The following DACH2 variants were observed in gnomAD, a reference collection of about 807,000 sequenced individuals.
DACH2 encodes dachshund homolog 2.
Under a neutral mutation model 35.8 loss-of-function variants are expected in DACH2, and 17 were observed. That is an observed-to-expected ratio of 0.48 (90% CI 0.33 to 0.71). The LOEUF (loss-of-function observed/expected upper bound fraction) is 0.71, where lower values mean the gene tolerates loss of function less well. DACH2 is among the 30% of genes least tolerant of loss of function. The pLI is 0.02. For missense variants in DACH2, 469 were observed against 472.7 expected (o/e 0.99, Z 0.07); for synonymous variants, 195 against 177.3 (o/e 1.10, Z -0.79).
intron 1 of DACH2, among the ~76,000 whole-genome samples, chrX:86,208,952 A>G (rs1364781391): frequency 9.0e-6 from 1 of 111,430 alleles, no homozygotes; most frequent in African/African-American, 3.3e-5. Context: ...GGGCCAAACA[A>G]AGCATTTCAG....
chrX:86,810,808 C>T (rs1602978879), intron 7 of DACH2, among the ~76,000 whole-genome samples: 1 of 110,773 alleles, frequency 9.0e-6, no homozygotes, highest in East Asian at 2.8e-4. Context: ...TGTGCTGATT[C>T]TCTCTGGAAT....
chrX:86,695,310 G>A (rs779608204), intron 5 of DACH2, 131 bp downstream of exon 5: 1 of 506,796 alleles, frequency 2.0e-6, no homozygotes, highest in East Asian at 4.6e-5. Context: ...ATCAGAAGGG[G>A]AGGTAAAGAA....
intron 1 of DACH2, among the ~76,000 whole-genome samples, chrX:86,281,852 C>G (rs2034036081): frequency 9.0e-6 from 1 of 111,658 alleles, no homozygotes; most frequent in Admixed American, 9.5e-5. Context: ...TCCTATACAC[C>G]AATAATAGAG....
intron 3 of DACH2, among the ~76,000 whole-genome samples, chrX:86,549,067 A>T (rs1485022090): frequency 8.1e-5 from 9 of 111,758 alleles, no homozygotes; most frequent in Non-Finnish European, 1.7e-4. Flanking sequence ...ATTTCTGCCT[A>T]TACATATTCA....
At chrX:86,160,919 G>A in intron 1 of DACH2, 1 of 692,103 alleles carries the variant, frequency 1.4e-6, no homozygotes, top group South Asian at 2.2e-5. Flanking sequence ...GCAGGCGCAA[G>A]GGCTTGTCAG....
intron 1 of DACH2, among the ~76,000 whole-genome samples, chrX:86,322,873 T>C (rs2035042031): frequency 8.9e-6 from 1 of 112,183 alleles, no homozygotes; most frequent in Non-Finnish European, 1.9e-5. Context: ...AACATAAGGG[T>C]CAAATGGTGG....
chrX:86,690,943 T>G (rs921113052), intron 4 of DACH2, among the ~76,000 whole-genome samples: 2 of 112,103 alleles, frequency 1.8e-5, no homozygotes, highest in Non-Finnish European at 3.8e-5. Context: ...GTAGTTGATA[T>G]GGAAAAGCTC....
intron 7 of DACH2, among the ~76,000 whole-genome samples, chrX:86,804,008 C>CT (rs761364184): frequency 1.8e-5 from 2 of 111,411 alleles, no homozygotes; most frequent in Non-Finnish European, 3.8e-5. Context: ...TTTTATTTGA[C>CT]TTTTTTTCTT....
At chrX:86,585,270 G>T (rs181505320) in intron 3 of DACH2, among the ~76,000 whole-genome samples, 1 of 110,958 alleles carries the variant, frequency 9.0e-6, no homozygotes, top group African/African-American at 3.3e-5. Flanking sequence ...ACATTCTCAC[G>T]ATCATTGTAA....
chrX:86,471,354 T>C (rs1468303033), intron 2 of DACH2, among the ~76,000 whole-genome samples: 4 of 111,579 alleles, frequency 3.6e-5, no homozygotes, highest in Non-Finnish European at 7.5e-5. Flanking sequence ...TATTGATATA[T>C]AGCTTGTAAA....
intron 3 of DACH2, among the ~76,000 whole-genome samples, chrX:86,587,595 G>A (rs1244937836): frequency 9.0e-6 from 1 of 111,201 alleles, no homozygotes; most frequent in East Asian, 2.8e-4. Context: ...TCAATGCATA[G>A]TTTGTTGAGA....
chrX:86,313,210 T>C (rs191175030), intron 1 of DACH2, among the ~76,000 whole-genome samples: 1 of 111,696 alleles, frequency 9.0e-6, no homozygotes, highest in East Asian at 2.8e-4. Flanking sequence ...AAAAATCTTA[T>C]AGATCTAGTT....
chrX:86,475,375 G>T (rs1012831372), intron 2 of DACH2, among the ~76,000 whole-genome samples: 1 of 111,103 alleles, frequency 9.0e-6, no homozygotes, highest in Non-Finnish European at 1.9e-5. Context: ...TTTCATCTGT[G>T]TTTTATAATT....
intron 3 of DACH2, among the ~76,000 whole-genome samples, chrX:86,572,757 C>A (rs1038817675): frequency 3.6e-5 from 4 of 111,379 alleles, no homozygotes; most frequent in Admixed American, 9.6e-5. Context: ...TTTACATAAC[C>A]TCATTTCTCC....
chrX:86,319,170 G>GA (rs1207587409), intron 1 of DACH2, among the ~76,000 whole-genome samples: 2 of 111,534 alleles, frequency 1.8e-5, no homozygotes, highest in Non-Finnish European at 1.9e-5. Flanking sequence ...TTAATTTACA[G>GA]AAAAAAATAC....
chrX:86,206,839 G>A (rs975386798), intron 1 of DACH2, among the ~76,000 whole-genome samples: 1 of 112,053 alleles, frequency 8.9e-6, no homozygotes, highest in African/African-American at 3.2e-5. Flanking sequence ...ATCGATGTCA[G>A]TAACCCGAAG....
chrX:86,804,051 A>G (rs1356170356), intron 7 of DACH2, among the ~76,000 whole-genome samples: 1 of 112,137 alleles, frequency 8.9e-6, no homozygotes, highest in Non-Finnish European at 1.9e-5. Context: ...CAGTTTGAAT[A>G]TCGCTTATCT....
Position 86,603,936 on chromosome X carries a change from G to T in DACH2, c.641-47100G>T, listed in dbSNP as rs893711723. On this transcript the variant is annotated intron_variant, in intron 3 of 11. Coordinates refer to ENST00000373125, the MANE Select transcript of DACH2 (RefSeq NM_053281.3). The stretch of plus-strand genomic sequence containing the variant: ...TAGAAGTGTGGTGTTTATTTTTAAA[G>T]TGTTTGGGGATTATCTAGATATTTT... Among the ~76,000 whole-genome samples the T allele has an allele frequency of 1.3e-4, 14 of 110,852 alleles. No homozygotes were observed. The Admixed American group carries it at 1.4e-3, about 11-fold the overall frequency.
At chrX:86,689,338 C>T (rs2040983640) in intron 4 of DACH2, among the ~76,000 whole-genome samples, 1 of 111,092 alleles carries the variant, frequency 9.0e-6, no homozygotes, top group African/African-American at 3.3e-5. Context: ...ATACATGCCT[C>T]GTTTTCCATT....
Sources: gnomAD v4.1 joint callset for allele counts (sites outside exome capture counted in the v4.1 genomes callset) on GRCh38, gnomAD v4.1.1 for gene constraint, MANE v1.5 for transcripts, NCBI Gene and HGNC (gene_info 2026-07-23, HGNC 2026-07-21) for gene names.